Variants in PCDH11X observed in about 807,000 individuals in gnomAD.
PCDH11X encodes the protein protocadherin 11 X-linked.
A neutral mutation model predicts 53.3 loss-of-function variants in PCDH11X; 18 were observed. That is an observed-to-expected ratio of 0.34 (90% CI 0.23 to 0.50). The LOEUF is 0.50. Among genes scored for constraint, PCDH11X ranks in the 20% least tolerant of loss-of-function variants. The pLI is 0.98. For missense variants in PCDH11X, 570 were observed against 1,032.4 expected (o/e 0.55, Z 6.14); for synonymous variants, 279 against 393.3 (o/e 0.71, Z 3.44).
chrX:91,819,610 C>A (rs1401057174), intron 4 of PCDH11X, among the ~76,000 whole-genome samples: 1 of 106,211 alleles, frequency 9.4e-6, no homozygotes, highest in Non-Finnish European at 1.9e-5. Context: ...ATTGGTGACC[C>A]GAATCTCCAG....
intron 6 of PCDH11X, among the ~76,000 whole-genome samples, chrX:92,099,600 T>C (rs1201919733): frequency 8.9e-6 from 1 of 111,869 alleles, no homozygotes; most frequent in Non-Finnish European, 1.9e-5. Flanking sequence ...AGAATAAAAA[T>C]GGAGAAAGAA....
rs1290335252 is a variant in PCDH11X, at chrX:91,788,419, T to A, written c.-379+8735T>A. ...CAATGCATTAAGTATTTTATTTTTT[T>A]TAAAAAATGACTGGAAAAGCCCATT... On this transcript the variant is annotated intron_variant, in intron 1 of 10. Coordinates refer to ENST00000682573, the MANE Select transcript of PCDH11X (RefSeq NM_032968.5). Among the ~76,000 whole-genome samples the A allele has an allele frequency of 3.6e-5, 4 of 112,508 alleles. No homozygotes were observed. In the East Asian group the frequency reaches 1.1e-3, roughly 31 times the overall value.
intron 7 of PCDH11X, among the ~76,000 whole-genome samples, chrX:92,209,955 C>T (rs984710673): frequency 1.3e-4 from 15 of 111,791 alleles, no homozygotes; most frequent in African/African-American, 4.9e-4. Flanking sequence ...AGGGTTCAAG[C>T]TGTACCTTGG....
chrX:92,263,012 C>T (rs868026909), intron 7 of PCDH11X, 102 bp from the exon 8 acceptor site: 6 of 872,817 alleles, frequency 6.9e-6, no homozygotes, highest in Admixed American at 9.1e-5. Context: ...GCTTTTTTTT[C>T]AAAAAAAAAA....
In PCDH11X at chrX:92,293,321, A is replaced by G. The variant is rs112807044; in HGVS notation, c.3144+30178A>G. 2.7e-3 allele frequency among the ~76,000 whole-genome samples: 301 copies of G among 110,689 alleles called. 2 individuals carry two copies. The highest frequency in any genetic ancestry group is 9.6e-3 in the African/African-American group (290 of 30,240). On this transcript the variant is annotated intron_variant, in intron 8 of 10. Transcript: ENST00000682573. ...AACTTTGGAATGGTAATAGAGTTCT[A>G]TAACATAGAACTAAAGCTGTGGGCC...
At chrX:92,408,322 A>G (rs1019516728) in intron 9 of PCDH11X, among the ~76,000 whole-genome samples, 2 of 109,118 alleles carry the variant, frequency 1.8e-5, no homozygotes, top group African/African-American at 3.3e-5. Flanking sequence ...AATTTCAGCT[A>G]CAGAAAATTC....
chrX:92,616,259 A>T (rs1452495299), intron 10 of PCDH11X, among the ~76,000 whole-genome samples: 1 of 50,130 alleles, frequency 2.0e-5, no homozygotes, highest in Non-Finnish European at 3.6e-5. Context: ...AACTTAGCAT[A>T]TTTTTAAAAA....
intron 9 of PCDH11X, among the ~76,000 whole-genome samples, chrX:92,441,741 G>A (rs2072520210): frequency 8.9e-6 from 1 of 112,009 alleles, no homozygotes; most frequent in South Asian, 3.8e-4. Context: ...GGAAATGTGG[G>A]GTCGGCACCC....
intron 6 of PCDH11X, among the ~76,000 whole-genome samples, chrX:91,961,919 C>A (rs775473935): frequency 1.3e-3 from 147 of 110,949 alleles, no homozygotes; most frequent in Non-Finnish European, 2.2e-3. Context: ...ATAAAACCAT[C>A]AGATCTCGTG....
chrX:92,029,293 G>A (rs1247200868), intron 6 of PCDH11X, among the ~76,000 whole-genome samples: 1 of 111,026 alleles, frequency 9.0e-6, no homozygotes, highest in African/African-American at 3.3e-5. Flanking sequence ...CGTGGGTAAT[G>A]ATTGAACATA....
chrX:92,190,754 A>G (rs1293062207), intron 6 of PCDH11X, among the ~76,000 whole-genome samples: 1 of 111,948 alleles, frequency 8.9e-6, no homozygotes, highest in Non-Finnish European at 1.9e-5. Context: ...TTACTGCTTA[A>G]TGAAATTTCT....
chrX:92,070,288 A>G (rs913120351), intron 6 of PCDH11X, among the ~76,000 whole-genome samples: 1 of 111,169 alleles, frequency 9.0e-6, no homozygotes, highest in African/African-American at 3.3e-5. Context: ...TCTTCAAGTG[A>G]TTTCTTCTTG....
At chrX:92,503,158 A>C (rs1223067120) in intron 10 of PCDH11X, among the ~76,000 whole-genome samples, 16 of 109,208 alleles carry the variant, frequency 1.5e-4, no homozygotes, top group Non-Finnish European at 2.9e-4. Context: ...GAGATCCTCA[A>C]ATCAAAACCA....
intron 7 of PCDH11X, among the ~76,000 whole-genome samples, chrX:92,261,644 A>C (rs866411206): frequency 8.9e-6 from 1 of 111,801 alleles, no homozygotes; most frequent in African/African-American, 3.3e-5. Context: ...ACTAAAAAAA[A>C]ATCTTTTGTG....
At chrX:92,419,314 CTTG>C (rs2071896828) in intron 9 of PCDH11X, among the ~76,000 whole-genome samples, 1 of 89,341 alleles carries the variant, frequency 1.1e-5, no homozygotes, top group Non-Finnish European at 2.1e-5. Flanking sequence ...GAGACAAGGT[CTTG>C]TTACGTTGCC....
chrX:91,911,495 G>A (rs1731713070), intron 6 of PCDH11X, among the ~76,000 whole-genome samples: 1 of 107,014 alleles, frequency 9.3e-6, no homozygotes, highest in Non-Finnish European at 1.9e-5. Context: ...ATTTTAACCT[G>A]TATAATTAAA....
chrX:91,890,747 C>G (rs1177872114), intron 6 of PCDH11X, among the ~76,000 whole-genome samples: 1 of 109,591 alleles, frequency 9.1e-6, no homozygotes, highest in South Asian at 3.9e-4. Flanking sequence ...GTCTTCTGTA[C>G]AATGTCAGAT....
intron 6 of PCDH11X, among the ~76,000 whole-genome samples, chrX:92,129,499 C>T (rs57339448): frequency 1.8e-5 from 2 of 111,825 alleles, no homozygotes; most frequent in Non-Finnish European, 3.8e-5. Flanking sequence ...GAAAAGCATA[C>T]AAATTTATTT....
intron 8 of PCDH11X, among the ~76,000 whole-genome samples, chrX:92,336,566 T>C (rs1479464986): frequency 8.9e-6 from 1 of 111,734 alleles, no homozygotes; most frequent in Non-Finnish European, 1.9e-5. Flanking sequence ...AGAATATATA[T>C]ATTTAGAATT....
Sources: allele counts gnomAD v4.1 joint callset (sites outside exome capture counted in the v4.1 genomes callset), GRCh38; gene constraint gnomAD v4.1.1; transcripts MANE v1.5; gene names NCBI Gene and HGNC (gene_info 2026-07-23, HGNC 2026-07-21).